ANO9: variants seen among roughly 807,000 people sequenced by gnomAD.
ANO9 encodes anoctamin-9.
Under a neutral mutation model 100.5 loss-of-function variants are expected in ANO9, and 80 were observed. The observed-to-expected ratio is 0.80, with a 90% CI of 0.66 to 0.96. The LOEUF is 0.96. Ranked by LOEUF, ANO9 falls within the 40% of genes least tolerant of loss-of-function variation. ANO9 has a pLI of 0.00. For missense variants in ANO9, 1,064 were observed against 1,072.7 expected (o/e 0.99, Z 0.11); for synonymous variants, 473 against 435.6 (o/e 1.09, Z -1.07).
In ANO9 at chr11:420,504, C is replaced by G; in HGVS notation, c.1745G>C (p.Trp582Ser). 6.2e-7 allele frequency: 1 copy of G among 1,605,220 alleles called. No homozygotes were observed. Among genetic ancestry groups the G allele is most frequent in the South Asian group, 1.1e-5 (1 of 91,054 alleles). Residue 582 changes from tryptophan (W) to serine (S), a missense_variant, in exon 19 of 23, where the codon TGG (tryptophan) becomes TCG (serine). Trp to Ser is a radical substitution (Grantham distance 177). Coordinates refer to ENST00000332826, the MANE Select transcript of ANO9 (RefSeq NM_001012302.3). ...EIRLDAIKMV[W>S]LQRRLVPRKA... ...GCGCGGCACCAGGCGCCGCTGCAAC[C>G]AGACCATCTTGATGGCGTCCAGGCG... is the stretch of plus-strand genomic sequence containing the variant.
chr11:428,167 T>C lies in ANO9; in HGVS notation c.1255A>G (p.Arg419Gly). The change falls in exon 15 of 23, where the codon AGG becomes GGG. Residue 419 changes from arginine to glycine, a missense_variant. By Grantham distance (125) the Arg-to-Gly change is moderately radical (BLOSUM62 -2). Transcript: ENST00000332826. ...MPRTFSERES[R>G]FTIRFFTLQF... ...AGTGTGAAGAAGCGGATGGTGAACC[T>C]GCTCTCTCGCTCCGAGAAGGTCCTG... is the stretch of plus-strand genomic sequence containing the variant. The C allele has an allele frequency of 6.2e-7, 1 of 1,611,874 alleles. No homozygotes were observed. Among genetic ancestry groups the C allele is most frequent in the Non-Finnish European group, 8.5e-7 (1 of 1,179,700 alleles).
intron 1 of ANO9, among the ~76,000 whole-genome samples, chr11:439,284 C>G (rs531282754): frequency 3.4e-4 from 52 of 152,344 alleles, no homozygotes; most frequent in Non-Finnish European, 7.1e-4. Context: ...GGGCAAGCCC[C>G]TGGTTCCCAG....
chr11:437,583 G>T (rs565237151), intron 1 of ANO9, among the ~76,000 whole-genome samples: 19 of 152,288 alleles, frequency 1.2e-4, no homozygotes, highest in African/African-American at 4.3e-4. Context: ...CTTCTCCCCC[G>T]TCCTGGGTTA....
At chr11:419,932 G>C in intron 19 of ANO9, 1 of 1,404,200 alleles carries the variant, frequency 7.1e-7, no homozygotes, top group East Asian at 2.5e-5. Context: ...ACCCTGACAT[G>C]GACAGGGAGG....
rs945329678 is a variant in ANO9 at position 429,502 on chromosome 11, T to C, written c.915+68A>G. ...AGACACGGCAGGCATATGTGGGCCG[T>C]GCAGGGCATCGGGCGCCAACAGCCC... is the stretch of plus-strand genomic sequence containing the variant. On this transcript the variant is annotated intron_variant, in intron 11 of 22. Transcript: ENST00000332826. 3 of 1,587,832 alleles carry C rather than the reference T, an allele frequency of 1.9e-6. No individual in the cohort carries two copies. The African/African-American group carries it at 4.0e-5, about 21-fold the overall frequency.
chr11:429,059 C>T (rs797022320), intron 11 of ANO9, among the ~76,000 whole-genome samples: 10 of 130,094 alleles, frequency 7.7e-5, no homozygotes, highest in African/African-American at 2.2e-4. Context: ...CACAGGGACA[C>T]GCCTCACGGG....
rs1274520329 is a variant in ANO9 at position 420,113 on chromosome 11, G to T, written c.1786+350C>A. 3 of 1,314,818 alleles carry T rather than the reference G, an allele frequency of 2.3e-6. No homozygotes were observed. In the African/African-American group the frequency reaches 4.5e-5, roughly 20 times the overall value. The allele number at this position is 1,314,818 out of a possible 1,614,324, so 81.4% of individuals were successfully genotyped here. On this transcript the variant is annotated intron_variant, in intron 19 of 22. Transcript: ENST00000332826. Reference sequence around the variant, plus strand: ...CACATCCAGCGCCCCAGCTCCCGTCGCTCCCCTGCTGCCTGTCCGTCTCAG... The same window carrying T: ...CACATCCAGCGCCCCAGCTCCCGTCTCTCCCCTGCTGCCTGTCCGTCTCAG...
chr11:425,705 T>C (rs1446318959), intron 15 of ANO9, among the ~76,000 whole-genome samples: 2 of 150,674 alleles, frequency 1.3e-5, no homozygotes, highest in African/African-American at 4.9e-5. Flanking sequence ...CACCAATAGT[T>C]TTTTGTTTTT....
chr11:419,756 C>A, intron 19 of ANO9, 27 bp from the exon 20 acceptor site: 3 of 1,582,040 alleles, frequency 1.9e-6, no homozygotes, highest in South Asian at 2.2e-5. Context: ...GGCAAGCGGT[C>A]TGACTCAGCG....
intron 1 of ANO9, among the ~76,000 whole-genome samples, chr11:438,804 C>T (rs117931426): frequency 6.6e-6 from 1 of 152,136 alleles, no homozygotes; most frequent in Non-Finnish European, 1.5e-5. Flanking sequence ...GCAGACTGTT[C>T]GGTTTATCCA....
Position 421,192 on chromosome 11 carries a change from G to T in ANO9, c.1341C>A (p.Asn447Lys), listed in dbSNP as rs760804824. The T allele has an allele frequency of 6.5e-7, 1 of 1,549,374 alleles. No individual in the cohort carries two copies. Among genetic ancestry groups the T allele is most frequent in the East Asian group, 2.3e-5 (1 of 43,716 alleles). ...GGCGCGTGGACTTCCCGGGGTGGCC[G>T]TTGATCCTGGGGAGGAAGGGGAAGT... ...IYIAFILGRI[N>K]GHPGKSTRLA... The change falls in exon 16 of 23, where the codon AAC (asparagine) becomes AAA (lysine). Residue 447 changes from asparagine to lysine, a missense_variant. Asn to Lys is a moderately conservative substitution (Grantham distance 94). Coordinates refer to ENST00000332826, the MANE Select transcript of ANO9 (RefSeq NM_001012302.3). The surrounding 1 kb of genome is among the most constrained non-coding windows in gnomAD (Gnocchi z 6.8).
Position 428,181 on chromosome 11 carries a change from G to A in ANO9, c.1241C>T (p.Ser414Leu), listed in dbSNP as rs542936963. 2.0e-5 allele frequency: 33 copies of A among 1,612,092 alleles called. No homozygotes were observed. Among genetic ancestry groups the A allele is most frequent in the Non-Finnish European group, 2.4e-5 (28 of 1,179,720 alleles). ...LCDFEMPRTF[S>L]ERESRFTIRF... ...GATGGTGAACCTGCTCTCTCGCTCC[G>A]AGAAGGTCCTGGGCATCTCTGGAAT... is the stretch of plus-strand genomic sequence containing the variant. The change falls in exon 15 of 23, where the codon TCG becomes TTG. Residue 414 changes from serine (S) to leucine (L), a missense_variant. Physicochemically the swap from Ser to Leu is moderately radical, Grantham distance 145. Transcript: ENST00000332826.
Position 421,140 on chromosome 11 carries a change from C to T in ANO9, c.1392+1G>A, listed in dbSNP as rs773066802. The stretch of plus-strand genomic sequence containing the variant: ...GGGCATGAAGCCTGGGGGTGACTGA[C>T]CTCTTCCAGCTTCCACAAGCCCGCC... On this transcript the variant is annotated splice_donor_variant, in intron 16 of 22. Coordinates refer to ENST00000332826, the MANE Select transcript of ANO9 (RefSeq NM_001012302.3). LOFTEE classifies it high-confidence loss of function. The surrounding 1 kb of genome is among the most constrained non-coding windows in gnomAD (Gnocchi z 6.8). 2 of 1,568,480 alleles carry T rather than the reference C, an allele frequency of 1.3e-6. No homozygotes were observed. The highest frequency in any genetic ancestry group is 1.7e-6 in the Non-Finnish European group (2 of 1,152,440).
At chr11:420,660 C>T (rs1564904719) in intron 18 of ANO9, 45 bp from the exon 19 acceptor site, 1 of 1,600,384 alleles carries the variant, frequency 6.2e-7, no homozygotes. Flanking sequence ...CACTCATGTC[C>T]GCGGACCCCC....
intron 1 of ANO9, among the ~76,000 whole-genome samples, chr11:438,674 T>TGTCCATCC (rs1267955971): frequency 5.9e-5 from 9 of 151,936 alleles, no homozygotes; most frequent in African/African-American, 2.2e-4. Context: ...GCCATCCATC[T>TGTCCATCC]GTCCATCCGT....
chr11:421,064 G>T lies in ANO9; in HGVS notation c.1393-22C>A, dbSNP rs1483758431. 2 of 1,594,736 alleles carry T rather than the reference G, an allele frequency of 1.3e-6. No homozygotes were observed. Among genetic ancestry groups the T allele is most frequent in the African/African-American group, 2.7e-5 (2 of 74,736 alleles). The stretch of plus-strand genomic sequence containing the variant: ...GGCACTGCGGGGCCAGACAGGAGGA[G>T]ATCAGGGAGGGGTCCTGGGGGACGG... On this transcript the variant is annotated intron_variant, in intron 16 of 22. Transcript: ENST00000332826. The surrounding 1 kb of genome is among the most constrained non-coding windows in gnomAD (Gnocchi z 6.8).
chr11:427,222 C>T (rs1463737552), intron 15 of ANO9, among the ~76,000 whole-genome samples: 1 of 152,026 alleles, frequency 6.6e-6, no homozygotes, highest in Non-Finnish European at 1.5e-5. Flanking sequence ...TGGTGGTGCG[C>T]ACCTGTGGTC....
intron 15 of ANO9, among the ~76,000 whole-genome samples, chr11:423,080 G>A (rs776288677): frequency 8.6e-5 from 13 of 151,984 alleles, no homozygotes; most frequent in Admixed American, 2.0e-4. Context: ...CGCCCACCTC[G>A]GCCTCCCAAA....
chr11:430,001 C>T, intron 9 of ANO9, 82 bp downstream of exon 9: 2 of 1,471,836 alleles, frequency 1.4e-6, no homozygotes, highest in Admixed American at 3.9e-5. Flanking sequence ...TGCAGGGCTC[C>T]AGGCCTTGAT....
Sources: allele counts gnomAD v4.1 joint callset (sites outside exome capture counted in the v4.1 genomes callset), GRCh38; gene constraint gnomAD v4.1.1; non-coding constraint Gnocchi (gnomAD v3.1); transcripts MANE v1.5; gene names NCBI Gene and HGNC (gene_info 2026-07-23, HGNC 2026-07-21).